Variants in KAZN observed in about 807,000 individuals in gnomAD.
The protein encoded by KAZN is kazrin.
Under a neutral mutation model 87.4 loss-of-function variants are expected in KAZN, and 40 were observed. The observed-to-expected ratio is 0.46, with a 90% CI of 0.36 to 0.60. KAZN has a LOEUF of 0.60. Ranked by LOEUF, KAZN falls within the 20% of genes least tolerant of loss-of-function variation. KAZN has a pLI of 0.00. For missense variants in KAZN, 898 were observed against 1,073.9 expected (o/e 0.84, Z 2.29); for synonymous variants, 466 against 458.3 (o/e 1.02, Z -0.22).
intron 2 of KAZN, among the ~76,000 whole-genome samples, chr1:14,369,521 G>C (rs1660298957): frequency 6.6e-6 from 1 of 152,200 alleles, no homozygotes; most frequent in South Asian, 2.1e-4. Flanking sequence ...TGGTAAAAGG[G>C]AAGAGGGGCA....
intron 1 of KAZN, chr1:14,924,153 C>T (rs1396446660): frequency 5.1e-6 from 5 of 982,094 alleles, no homozygotes; most frequent in Non-Finnish European, 6.0e-6. Context: ...TGAGAGGCTC[C>T]GCGGCCGAAT....
At chr1:14,983,314 G>A (rs916497978) in intron 2 of KAZN, among the ~76,000 whole-genome samples, 8 of 152,204 alleles carry the variant, frequency 5.3e-5, no homozygotes, top group Admixed American at 3.3e-4. Context: ...CGCTAGAGCC[G>A]GAGCCTTGGT....
At chr1:14,081,495 G>T (rs745723688) in intron 1 of KAZN, among the ~76,000 whole-genome samples, 8 of 152,026 alleles carry the variant, frequency 5.3e-5, no homozygotes, top group Non-Finnish European at 1.2e-4. Context: ...TGGCTCGTGT[G>T]CTAGGAATGG....
At chr1:14,858,885 C>T (rs1006808642) in intron 1 of KAZN, among the ~76,000 whole-genome samples, 1 of 152,114 alleles carries the variant, frequency 6.6e-6, no homozygotes, top group Non-Finnish European at 1.5e-5. Flanking sequence ...ATGTACATCT[C>T]GTGAAGATCC....
intron 2 of KAZN, among the ~76,000 whole-genome samples, chr1:14,362,963 G>A (rs910782409): frequency 1.3e-5 from 2 of 152,170 alleles, no homozygotes; most frequent in Non-Finnish European, 2.9e-5. Context: ...TGATGGCAAA[G>A]GCAGCACAGA....
intron 2 of KAZN, among the ~76,000 whole-genome samples, chr1:14,326,181 C>T (rs1656398529): frequency 6.6e-6 from 1 of 152,142 alleles, no homozygotes; most frequent in African/African-American, 2.4e-5. Flanking sequence ...AGTTTCATCT[C>T]TCATGTCTGC....
intron 2 of KAZN, among the ~76,000 whole-genome samples, chr1:14,529,069 C>T (rs951952085): frequency 8.6e-5 from 13 of 151,998 alleles, no homozygotes; most frequent in South Asian, 2.1e-4. Context: ...TTTGGGAGGC[C>T]GAGGCGGGCA....
intron 1 of KAZN, among the ~76,000 whole-genome samples, chr1:14,936,425 T>C (rs1011443313): frequency 6.6e-6 from 1 of 152,180 alleles, no homozygotes; most frequent in Non-Finnish European, 1.5e-5. Flanking sequence ...CTCAGGACTT[T>C]CTTGGTTCTA....
chr1:14,614,087 C>T (rs1275958711), intron 1 of KAZN, among the ~76,000 whole-genome samples: 1 of 152,160 alleles, frequency 6.6e-6, no homozygotes, highest in African/African-American at 2.4e-5. Context: ...TGCAATTGGC[C>T]AACTGCCATC....
intron 1 of KAZN, among the ~76,000 whole-genome samples, chr1:14,787,294 C>T (rs1337408051): frequency 2.0e-5 from 3 of 152,264 alleles, no homozygotes; most frequent in South Asian, 4.2e-4. Context: ...AAGAAGTAGG[C>T]GTTTTTCTCG....
intron 1 of KAZN, among the ~76,000 whole-genome samples, chr1:14,089,766 T>A (rs930135956): frequency 6.6e-6 from 1 of 152,210 alleles, no homozygotes; most frequent in Non-Finnish European, 1.5e-5. Flanking sequence ...AGTCTTATTT[T>A]CTTTCTGACT....
chr1:14,526,553 A>G (rs917643315), intron 2 of KAZN, among the ~76,000 whole-genome samples: 4 of 152,264 alleles, frequency 2.6e-5, no homozygotes, highest in African/African-American at 9.6e-5. Context: ...GGTCATCTAT[A>G]GCTGAAATTG....
intron 1 of KAZN, among the ~76,000 whole-genome samples, chr1:14,703,120 G>A (rs1002493446): frequency 6.6e-6 from 1 of 152,178 alleles, no homozygotes; most frequent in Non-Finnish European, 1.5e-5. Flanking sequence ...TTGAATTCAG[G>A]TATATATTGG....
intron 2 of KAZN, among the ~76,000 whole-genome samples, chr1:14,521,609 G>A (rs974443901): frequency 3.9e-5 from 6 of 152,172 alleles, no homozygotes; most frequent in Admixed American, 1.3e-4. Flanking sequence ...AACAACTCAA[G>A]GAAGAAACCA....
At chr1:14,413,862 C>T in intron 2 of KAZN, among the ~76,000 whole-genome samples, 1 of 152,010 alleles carries the variant, frequency 6.6e-6, no homozygotes, top group East Asian at 1.9e-4. Context: ...GAACATGACT[C>T]AATAAAATGG....
chr1:14,553,440 A>G (rs34592996), intron 2 of KAZN, among the ~76,000 whole-genome samples: 53,022 of 152,132 alleles, frequency 0.35, 9,423 homozygotes, highest in African/African-American at 0.39. Context: ...GTTCCGCCCC[A>G]TGCAAGTGAA....
chr1:14,557,554 T>C (rs187685656), intron 2 of KAZN, among the ~76,000 whole-genome samples: 32 of 151,836 alleles, frequency 2.1e-4, no homozygotes, highest in Admixed American at 2.1e-3. Context: ...ATATAAAAGT[T>C]AGTCGTCAGC....
chr1:15,006,232 A>T (rs1284984983), intron 2 of KAZN, among the ~76,000 whole-genome samples: 1 of 152,258 alleles, frequency 6.6e-6, no homozygotes, highest in East Asian at 1.9e-4. Flanking sequence ...TCTCATGGCC[A>T]GGAGTAAGAC....
chr1:13,900,789 T>G (rs980880542), intron 1 of KAZN, among the ~76,000 whole-genome samples: 2 of 152,184 alleles, frequency 1.3e-5, no homozygotes, highest in African/African-American at 4.8e-5. Flanking sequence ...AGGAGAATAA[T>G]AGTTTACTAC....
Sources: allele counts gnomAD v4.1 joint callset (sites outside exome capture counted in the v4.1 genomes callset), GRCh38; gene constraint gnomAD v4.1.1; transcripts MANE v1.5; gene names NCBI Gene and HGNC (gene_info 2026-07-23, HGNC 2026-07-21).